PPP1R14C: variants seen among roughly 807,000 people sequenced by gnomAD.
PPP1R14C encodes the protein protein phosphatase 1 regulatory inhibitor subunit 14C, also known as protein phosphatase 1 regulatory subunit 14C.
In PPP1R14C, 16 loss-of-function variants were observed where a neutral mutation model predicts 20.4. The ratio of observed to expected loss-of-function variants is 0.78; its 90% CI spans 0.53 to 1.19. The LOEUF (loss-of-function observed/expected upper bound fraction) is 1.19. Among genes scored for constraint, PPP1R14C ranks in the 50% most tolerant of loss-of-function variants. PPP1R14C has a pLI of 0.00. For missense variants in PPP1R14C, 211 were observed against 220.1 expected, an observed-to-expected ratio of 0.96 and a Z score of 0.26; for synonymous variants, 91 against 91.0, an observed-to-expected ratio of 1.00 and a Z score of 0.00.
At chr6:150,158,558 A>G (rs567459305) in intron 1 of PPP1R14C, among the ~76,000 whole-genome samples, 3 of 152,244 alleles carry the variant, frequency 2.0e-5, no homozygotes, top group African/African-American at 7.2e-5. Flanking sequence ...GGTATCTTTT[A>G]TATGTACCTA....
intron 1 of PPP1R14C, among the ~76,000 whole-genome samples, chr6:150,206,846 G>GTT (rs145300350): frequency 9.7e-4 from 146 of 149,794 alleles, no homozygotes; most frequent in African/African-American, 3.5e-3. Flanking sequence ...CTATTTTGAT[G>GTT]TTTTTTTTTG....
chr6:150,181,769 C>T (rs1777624189), intron 1 of PPP1R14C, among the ~76,000 whole-genome samples: 1 of 152,314 alleles, frequency 6.6e-6, no homozygotes, highest in Non-Finnish European at 1.5e-5. Flanking sequence ...TTTTGACAAA[C>T]ATAGCATACT....
chr6:150,143,136 G>T lies in PPP1R14C; in HGVS notation c.-57G>T, dbSNP rs1219643948. The T allele has an allele frequency of 6.7e-6, 8 of 1,186,778 alleles. No individual in the cohort carries two copies. Among genetic ancestry groups the T allele is most frequent in the Non-Finnish European group, 8.3e-6 (8 of 961,858 alleles). The allele number at this position is 1,186,778 out of a possible 1,614,324, so 73.5% of individuals were successfully genotyped here. A position where few individuals can be genotyped will look rare whatever the true frequency, so the allele number is the denominator to read the frequency against. On this transcript the variant is annotated 5_prime_UTR_variant, in exon 1 of 4. Transcript: ENST00000361131. This position sits in a 1 kb window ranked among gnomAD's most constrained non-coding sequence, Gnocchi z 5.6. ...CCGGGCCGGAGGTGGTAGCGGCGCC[G>T]GGCGCGCTCCGCCCGCCCCTCCTCC...
At chr6:150,172,025 C>G (rs1255008447) in intron 1 of PPP1R14C, among the ~76,000 whole-genome samples, 2 of 152,020 alleles carry the variant, frequency 1.3e-5, no homozygotes, top group Non-Finnish European at 2.9e-5. Context: ...CCAGGCTGTT[C>G]TCAAACTCCT....
rs942419835 is a variant in PPP1R14C, at chr6:150,248,931, T to TG, written c.*111_*112insG. ...GTCCTTATGAACAACGTTTTTGTTT[T>TG]TTTTTTTTTCTTTTTTGGTGTGAAG... On this transcript the variant is annotated 3_prime_UTR_variant, in exon 4 of 4. Coordinates refer to ENST00000361131, the MANE Select transcript of PPP1R14C (RefSeq NM_030949.3). 52 of 598,782 alleles carry TG rather than the reference T, an allele frequency of 8.7e-5. No homozygotes were observed. The highest frequency in any genetic ancestry group is 4.7e-4 in the South Asian group (15 of 31,786). 37.1% of individuals were successfully genotyped at this position (598,782 alleles called of 1,614,324 possible).
At chr6:150,181,045 T>C (rs1777616450) in intron 1 of PPP1R14C, among the ~76,000 whole-genome samples, 1 of 152,004 alleles carries the variant, frequency 6.6e-6, no homozygotes, top group Non-Finnish European at 1.5e-5. Flanking sequence ...TTAAATTGAG[T>C]GGTTACTGAT....
intron 1 of PPP1R14C, among the ~76,000 whole-genome samples, chr6:150,166,772 G>A (rs56934130): frequency 0.02 from 3,059 of 152,284 alleles, 102 homozygotes; most frequent in African/African-American, 0.07. Flanking sequence ...TGTTACTTCC[G>A]TGATGGGACT....
chr6:150,176,369 C>T (rs1777563046), intron 1 of PPP1R14C, among the ~76,000 whole-genome samples: 1 of 152,234 alleles, frequency 6.6e-6, no homozygotes, highest in Non-Finnish European at 1.5e-5. Context: ...GTCTGGCTTC[C>T]TTGGCAACTA....
Position 150,143,519 on chromosome 6 carries a change from G to A in PPP1R14C, c.306+21G>A. On this transcript the variant is annotated intron_variant, in intron 1 of 3. Transcript: ENST00000361131. This position sits in a 1 kb window ranked among gnomAD's most constrained non-coding sequence, Gnocchi z 5.6. Reference sequence around the variant, plus strand: ...GCGAGGTACCTGGGCGCGGGGCTGGGAGGGTCGGGGACCTCTCTAGCTCCT... The same window carrying A: ...GCGAGGTACCTGGGCGCGGGGCTGGAAGGGTCGGGGACCTCTCTAGCTCCT... 1 of 1,393,836 alleles carries A rather than the reference G, an allele frequency of 7.2e-7. No homozygotes were observed. Among genetic ancestry groups the A allele is most frequent in the Non-Finnish European group, 1.0e-6 (1 of 1,004,922 alleles). 86.3% of individuals were successfully genotyped at this position (1,393,836 alleles called of 1,614,324 possible).
chr6:150,156,826 T>C (rs1777311100), intron 1 of PPP1R14C, among the ~76,000 whole-genome samples: 1 of 152,246 alleles, frequency 6.6e-6, no homozygotes, highest in African/African-American at 2.4e-5. Context: ...CCATTTCTTC[T>C]TCATGCGAGA....
intron 3 of PPP1R14C, among the ~76,000 whole-genome samples, chr6:150,222,565 G>A (rs1778181621): frequency 6.6e-6 from 1 of 152,156 alleles, no homozygotes; most frequent in Non-Finnish European, 1.5e-5. Flanking sequence ...ATCATACAGA[G>A]TAGTGTCACT....
intron 3 of PPP1R14C, among the ~76,000 whole-genome samples, chr6:150,234,920 A>T (rs1778340319): frequency 6.6e-6 from 1 of 151,454 alleles, no homozygotes; most frequent in African/African-American, 2.4e-5. Flanking sequence ...AATATTGGTG[A>T]ATCTCAGAAA....
intron 3 of PPP1R14C, among the ~76,000 whole-genome samples, chr6:150,237,555 C>CTGATGA (rs886726089): frequency 6.6e-6 from 1 of 152,070 alleles, no homozygotes; most frequent in Non-Finnish European, 1.5e-5. Context: ...TCAGTGTAGT[C>CTGATGA]TGATGATGAT....
intron 1 of PPP1R14C, among the ~76,000 whole-genome samples, chr6:150,181,839 A>G (rs1777625116): frequency 6.6e-6 from 1 of 152,244 alleles, no homozygotes; most frequent in Non-Finnish European, 1.5e-5. Flanking sequence ...TATGATTTTG[A>G]TCTACGACAG....
At chr6:150,183,084 A>G (rs534619369) in intron 1 of PPP1R14C, among the ~76,000 whole-genome samples, 3 of 152,360 alleles carry the variant, frequency 2.0e-5, no homozygotes, top group East Asian at 1.9e-4. Flanking sequence ...CTGGAAATCC[A>G]TAAATATCCA....
At chr6:150,160,253 A>ATTTTT (rs1562257938) in intron 1 of PPP1R14C, among the ~76,000 whole-genome samples, 1 of 117,112 alleles carries the variant, frequency 8.5e-6, no homozygotes, top group African/African-American at 3.4e-5. Context: ...TGTGTAGCTC[A>ATTTTT]TTCTTTTTTT....
At chr6:150,156,049 A>AAAG (rs1777302730) in intron 1 of PPP1R14C, among the ~76,000 whole-genome samples, 1 of 149,540 alleles carries the variant, frequency 6.7e-6, no homozygotes, top group Admixed American at 6.7e-5. Flanking sequence ...AAAAAAAAAA[A>AAAG]AAAGAAAGAA....
chr6:150,174,587 T>A (rs1215314591), intron 1 of PPP1R14C, among the ~76,000 whole-genome samples: 1 of 152,142 alleles, frequency 6.6e-6, no homozygotes, highest in African/African-American at 2.4e-5. Context: ...TATAATATAT[T>A]CTGTCCTCTG....
intron 1 of PPP1R14C, among the ~76,000 whole-genome samples, chr6:150,209,691 TTGTG>T (rs138079467): frequency 9.6e-5 from 14 of 146,592 alleles, no homozygotes; most frequent in South Asian, 2.2e-4. Context: ...GTGTATGTAT[TTGTG>T]TGTGTGTGTG....
Sources: allele counts gnomAD v4.1 joint callset (sites outside exome capture counted in the v4.1 genomes callset), GRCh38; gene constraint gnomAD v4.1.1; non-coding constraint Gnocchi (gnomAD v3.1); transcripts MANE v1.5; gene names NCBI Gene and HGNC (gene_info 2026-07-23, HGNC 2026-07-21).